Variants in EIF3A observed in about 807,000 individuals in gnomAD.
The protein encoded by EIF3A is EIF3, p180 subunit.
In EIF3A, 21 loss-of-function variants were observed where a neutral mutation model predicts 186.6. The observed-to-expected ratio is 0.11, with a 90% CI of 0.08 to 0.16. The LOEUF is 0.16. Ranked by LOEUF, EIF3A falls within the 10% of genes least tolerant of loss-of-function variation. The pLI, the probability that EIF3A is intolerant of heterozygous loss-of-function variation, is 1.00. For synonymous variants in EIF3A, 563 were observed against 584.3 expected, an observed-to-expected ratio of 0.96 and a Z score of 0.52; for missense variants, 1,306 against 1,796.3, an observed-to-expected ratio of 0.73 and a Z score of 4.93.
chr10:119,044,721 G>A (rs1187395111), intron 17 of EIF3A, among the ~76,000 whole-genome samples: 5 of 151,914 alleles, frequency 3.3e-5, no homozygotes, highest in African/African-American at 4.8e-5. Flanking sequence ...GGTGGCAGGC[G>A]CCTGTAGTCC....
At chr10:119,051,125 T>G in intron 15 of EIF3A, 74 bp downstream of exon 15, 1 of 1,328,550 alleles carries the variant, frequency 7.5e-7, no homozygotes, top group Non-Finnish European at 1.0e-6. Flanking sequence ...ATATACCAAT[T>G]TGTTAAGGGA....
In EIF3A at chr10:119,051,263, C is replaced by T. The variant is rs1848353042; in HGVS notation, c.2255G>A (p.Arg752Gln). The T allele has an allele frequency of 4.3e-6, 7 of 1,611,708 alleles. No homozygotes were observed. Among genetic ancestry groups the T allele is most frequent in the East Asian group, 2.2e-5 (1 of 44,738 alleles). The change falls in exon 15 of 22, where the codon CGA becomes CAA. Residue 752 changes from arginine to glutamine, a missense_variant. This residue lies in a region of EIF3A where 410 missense variants were observed against 473.5 expected (regional missense o/e 0.87). Transcript: ENST00000369144. The part of the protein sequence containing the change: ...KALEHKNRMS[R>Q]MLEDRDLFVM... ...GAATAAATCTCTGTCTTCAAGCATT[C>T]GTGACATTCGATTCTTATGTTCAAG...
chr10:119,048,412 G>A (rs893919591), intron 17 of EIF3A, among the ~76,000 whole-genome samples: 1 of 152,076 alleles, frequency 6.6e-6, no homozygotes, highest in Non-Finnish European at 1.5e-5. Context: ...ATCAGGAGAG[G>A]GAATTCCAGA....
intron 10 of EIF3A, 52 bp downstream of exon 10, chr10:119,059,550 G>C: frequency 6.9e-7 from 1 of 1,443,642 alleles, no homozygotes; most frequent in South Asian, 1.2e-5. Context: ...GAAGGTATGT[G>C]TCTTTCTAGC....
At chr10:119,067,781 A>T (rs1844004362) in intron 6 of EIF3A, among the ~76,000 whole-genome samples, 1 of 152,190 alleles carries the variant, frequency 6.6e-6, no homozygotes, top group African/African-American at 2.4e-5. Flanking sequence ...AATACAAGAA[A>T]ACAGGTGGTA....
At chr10:119,080,291 G>A (rs749082537) in intron 1 of EIF3A, 121 of 984,100 alleles carry the variant, frequency 1.2e-4, no homozygotes, top group South Asian at 1.4e-4. Flanking sequence ...AAGCCCCAGG[G>A]ACCTGGAGAG....
intron 7 of EIF3A, 67 bp from the exon 8 acceptor site, chr10:119,061,395 T>G (rs1450909283): frequency 1.5e-6 from 1 of 680,878 alleles, no homozygotes; most frequent in Non-Finnish European, 2.5e-6. Flanking sequence ...CTGAACTTAG[T>G]ATAAATGATA....
chr10:119,051,940 T>C (rs1848361914), intron 14 of EIF3A, among the ~76,000 whole-genome samples: 1 of 152,248 alleles, frequency 6.6e-6, no homozygotes, highest in African/African-American at 2.4e-5. Flanking sequence ...TGAGTCATAA[T>C]CTTTTTGCTA....
intron 7 of EIF3A, among the ~76,000 whole-genome samples, chr10:119,063,172 TTC>T (rs1843917824): frequency 6.6e-6 from 1 of 152,182 alleles, no homozygotes; most frequent in South Asian, 2.1e-4. Context: ...TGAAACTTCT[TTC>T]TCAAGACACT....
chr10:119,051,557 A>G (rs1466681272), intron 14 of EIF3A, among the ~76,000 whole-genome samples: 1 of 152,200 alleles, frequency 6.6e-6, no homozygotes, highest in Admixed American at 6.5e-5. Context: ...ATTTAGCCCC[A>G]TGATACCAGG....
chr10:119,080,065 G>A (rs1332828118), intron 1 of EIF3A, among the ~76,000 whole-genome samples: 1 of 152,262 alleles, frequency 6.6e-6, no homozygotes, highest in African/African-American at 2.4e-5. Flanking sequence ...AAGCAGCTGG[G>A]TAAAGGGTAA....
At position 119,060,830 on chromosome 10, in the gene EIF3A, A is replaced by C; in HGVS notation, c.1242T>G (p.Val414=). Residue 414 remains valine (V), a synonymous_variant, in exon 9 of 22, where the codon GTT becomes GTG. Transcript: ENST00000369144. The part of the protein sequence containing the change: ...CERVTKVLNW[V]REQPEKEPEL... ...CCGGTTCCTTTTCAGGTTGTTCCCT[A>C]ACCCAATTTAGAACCTATAAAATCC... 6.2e-7 allele frequency: 1 copy of C among 1,609,284 alleles called. No homozygotes were observed. The highest frequency in any genetic ancestry group is 1.3e-5 in the African/African-American group (1 of 74,858).
intron 4 of EIF3A, among the ~76,000 whole-genome samples, chr10:119,071,558 T>A (rs777679538): frequency 1.3e-5 from 2 of 152,246 alleles, no homozygotes; most frequent in African/African-American, 4.8e-5. Context: ...GTCATTTAAC[T>A]GGACACGTTA....
At chr10:119,074,974 TA>T (rs1844140070) in intron 1 of EIF3A, among the ~76,000 whole-genome samples, 1 of 107,928 alleles carries the variant, frequency 9.3e-6, no homozygotes, top group East Asian at 2.8e-4. Flanking sequence ...CAAAATAACT[TA>T]TTTTTTTTCT....
chr10:119,059,724 T>A lies in EIF3A; in HGVS notation c.1327-6A>T. On this transcript the variant is annotated splice_region_variant and splice_polypyrimidine_tract_variant and intron_variant, in intron 9 of 21. Transcript: ENST00000369144. ...CTCTGATAAATCTGTGACACCTGCA[T>A]AGAAAACAAAGGGTTAATAACACTA... The A allele has an allele frequency of 6.3e-7, 1 of 1,590,248 alleles. No homozygotes were observed. Among genetic ancestry groups the A allele is most frequent in the Non-Finnish European group, 8.6e-7 (1 of 1,158,250 alleles).
At chr10:119,063,746 AAT>A in intron 7 of EIF3A, among the ~76,000 whole-genome samples, 1 of 152,242 alleles carries the variant, frequency 6.6e-6, no homozygotes, top group Middle Eastern at 3.4e-3. Flanking sequence ...GCACTCAACA[AAT>A]TTCCACTGAA....
intron 12 of EIF3A, 68 bp downstream of exon 12, chr10:119,057,888 G>T: frequency 1.6e-6 from 2 of 1,238,348 alleles, no homozygotes; most frequent in Non-Finnish European, 1.1e-6. Context: ...AATGGTAAAG[G>T]ACTGTGGTTC....
chr10:119,049,751 A>C, intron 17 of EIF3A, 50 bp downstream of exon 17: 2 of 1,546,156 alleles, frequency 1.3e-6, no homozygotes, highest in Non-Finnish European at 1.8e-6. Flanking sequence ...CTCAACCAAA[A>C]AAAAAAAGTC....
At chr10:119,065,645 T>C in intron 6 of EIF3A, 75 bp from the exon 7 acceptor site, 1 of 1,099,268 alleles carries the variant, frequency 9.1e-7, no homozygotes. Context: ...TTCTCTTTAA[T>C]CTTACGGTAA....
Sources: gnomAD v4.1 joint callset for allele counts (sites outside exome capture counted in the v4.1 genomes callset) on GRCh38, gnomAD v4.1.1 for gene constraint, gnomAD v4.1.1 regional missense constraint, MANE v1.5 for transcripts, NCBI Gene and HGNC (gene_info 2026-07-23, HGNC 2026-07-21) for gene names.